MYH10: variants seen among roughly 807,000 people sequenced by gnomAD.
MYH10 encodes the protein myosin-10.
A neutral mutation model predicts 257.8 loss-of-function variants in MYH10; 55 were observed. The ratio of observed to expected loss-of-function variants is 0.21; its 90% CI spans 0.17 to 0.27. MYH10 has a LOEUF of 0.27. Among genes scored for constraint, MYH10 ranks in the 10% least tolerant of loss-of-function variants. The pLI is 1.00. For missense variants in MYH10, 1,631 were observed against 2,500.6 expected, an observed-to-expected ratio of 0.65 and a Z score of 7.42; for synonymous variants, 854 against 921.7, an observed-to-expected ratio of 0.93 and a Z score of 1.33.
chr17:8,618,025 C>A (rs1266581527), intron 2 of MYH10, among the ~76,000 whole-genome samples: 1 of 152,090 alleles, frequency 6.6e-6, no homozygotes, highest in Non-Finnish European at 1.5e-5. Context: ...TATATTCTTG[C>A]AAAACTTTTA....
chr17:8,550,676 G>A (rs1414258822), intron 9 of MYH10, among the ~76,000 whole-genome samples: 9 of 152,188 alleles, frequency 5.9e-5, no homozygotes, highest in Non-Finnish European at 1.2e-4. Flanking sequence ...CAGGATGACA[G>A]TGGCGGCTTT....
At chr17:8,551,144 T>A (rs1226953667) in intron 9 of MYH10, among the ~76,000 whole-genome samples, 8 of 128,888 alleles carry the variant, frequency 6.2e-5, no homozygotes, top group South Asian at 2.4e-4. Context: ...CAATAAAAAA[T>A]AAATAAATAA....
intron 2 of MYH10, among the ~76,000 whole-genome samples, chr17:8,616,175 C>T (rs1293400190): frequency 6.6e-6 from 1 of 151,838 alleles, no homozygotes; most frequent in South Asian, 2.1e-4. Context: ...CCCTGCTACT[C>T]GGGAGGCTGA....
Position 8,535,744 on chromosome 17 carries a change from A to AT in MYH10, c.1779+13dup. 2 of 1,608,404 alleles carry AT rather than the reference A, an allele frequency of 1.2e-6. No homozygotes were observed. Among genetic ancestry groups the AT allele is most frequent in the Non-Finnish European group, 1.7e-6 (2 of 1,176,560 alleles). ...AGCCATTTTAATCCAGTTATTCAAC[A>AT]TAAGAGCTCTTACCTTCCCTGCATA... On this transcript the variant is annotated intron_variant, in intron 15 of 42. Transcript: ENST00000360416. This position sits in a 1 kb window ranked among gnomAD's most constrained non-coding sequence, Gnocchi z 4.3.
At chr17:8,493,949 A>G in intron 31 of MYH10, 64 bp from the exon 32 acceptor site, 1 of 1,524,746 alleles carries the variant, frequency 6.6e-7, no homozygotes, top group Non-Finnish European at 8.8e-7. Context: ...ATACACCTGT[A>G]TTAAAGAATT....
At chr17:8,481,482 G>A (rs1913800462) in intron 37 of MYH10, 72 bp from the exon 38 acceptor site, 2 of 1,345,054 alleles carry the variant, frequency 1.5e-6, no homozygotes, top group Non-Finnish European at 2.1e-6. Context: ...ACAGTGCCTG[G>A]AGCTACAGCG....
In MYH10 at chr17:8,563,783, G is replaced by GT. The variant is rs35814888; in HGVS notation, c.756+5936dup. On this transcript the variant is annotated intron_variant, in intron 7 of 42. Transcript: ENST00000360416. ...TTCATTATAACCTGGTCGCCAAACT[G>GT]TAAGGAGGATGCCTAGAGCCCTTAC... is the stretch of plus-strand genomic sequence containing the variant. Among the ~76,000 whole-genome samples, 1,287 of 152,114 alleles carry GT rather than the reference G, an allele frequency of 8.5e-3. 19 individuals carry two copies. The highest frequency in any genetic ancestry group is 0.028 in the African/African-American group (1,180 of 41,488).
chr17:8,527,675 C>T (rs1597741521), intron 17 of MYH10, among the ~76,000 whole-genome samples: 2 of 152,222 alleles, frequency 1.3e-5, no homozygotes, highest in South Asian at 4.1e-4. Context: ...CTCTACAACA[C>T]CACACATTCA....
At chr17:8,499,065 G>A (rs1917121466) in intron 30 of MYH10, among the ~76,000 whole-genome samples, 1 of 152,170 alleles carries the variant, frequency 6.6e-6, no homozygotes, top group Non-Finnish European at 1.5e-5. Flanking sequence ...CAATCATGCT[G>A]TGTTCTTCTT....
In MYH10 at chr17:8,518,148, T is replaced by TGTGTGTGTG. The variant is rs1597719659; in HGVS notation, c.2504+482_2504+483insCACACACAC. ...GTGTGTGTGTGTGTGTGTGTGTGTG[T>TGTGTGTGTG]TTGAGATAGGGTCTCACTTTGTCAC... On this transcript the variant is annotated intron_variant, in intron 21 of 42. Coordinates refer to ENST00000360416, the MANE Select transcript of MYH10 (RefSeq NM_001256012.3). 1.0e-4 allele frequency among the ~76,000 whole-genome samples: 12 copies of TGTGTGTGTG among 119,934 alleles called. No individual in the cohort carries two copies. The South Asian group carries it at 1.0e-3, about 10-fold the overall frequency. 78.7% of individuals were successfully genotyped at this position (119,934 alleles called of 152,430 possible). A position where few individuals can be genotyped will look rare whatever the true frequency, so the allele number is the denominator to read the frequency against.
rs199754321 is a variant in MYH10 at position 8,481,308 on chromosome 17, C to A, written c.5264+14G>T. On this transcript the variant is annotated intron_variant, in intron 38 of 42. Coordinates refer to ENST00000360416, the MANE Select transcript of MYH10 (RefSeq NM_001256012.3). The stretch of plus-strand genomic sequence containing the variant: ...TGAGGGCGAAGAACCCACCCCCGGC[C>A]GTGGGAGACTCACTTGCCAGAGGCG... 4 of 1,612,918 alleles carry A rather than the reference C, an allele frequency of 2.5e-6. No homozygotes were observed. Among genetic ancestry groups the A allele is most frequent in the East Asian group, 4.5e-5 (2 of 44,874 alleles).
intron 7 of MYH10, among the ~76,000 whole-genome samples, chr17:8,554,895 G>A (rs1306546068): frequency 2.0e-5 from 3 of 152,372 alleles, no homozygotes; most frequent in Admixed American, 6.5e-5. Context: ...GGAGGTTGCA[G>A]TGAACTGAGA....
rs1223995748 is a variant in MYH10 at position 8,521,188 on chromosome 17, C to T, written c.2055G>A (p.Gly685=). ...TGGTGAGAGATTCTTTGTAGAGTTG[C>T]CCAACGGTACGAAACATGCCCTTCT... is the stretch of plus-strand genomic sequence containing the variant. ...KTKKGMFRTV[G]QLYKESLTKL... The change falls in exon 18 of 43, where the codon GGG becomes GGA. Residue 685 remains glycine (G), a synonymous_variant. Transcript: ENST00000360416. The T allele has an allele frequency of 1.9e-6, 3 of 1,614,194 alleles. No homozygotes were observed. Among genetic ancestry groups the T allele is most frequent in the Non-Finnish European group, 2.5e-6 (3 of 1,180,036 alleles).
chr17:8,516,531 C>T (rs906080218), intron 21 of MYH10, among the ~76,000 whole-genome samples: 1 of 152,178 alleles, frequency 6.6e-6, no homozygotes, highest in African/African-American at 2.4e-5. Flanking sequence ...GCTTTAAGTC[C>T]TTAAGATGAA....
intron 16 of MYH10, among the ~76,000 whole-genome samples, chr17:8,532,436 T>A (rs566078491): frequency 1.6e-4 from 24 of 152,330 alleles, no homozygotes; most frequent in African/African-American, 5.1e-4. Context: ...ATGAAATCAA[T>A]AACTTTCCCG....
At chr17:8,589,201 T>C in intron 3 of MYH10, 93 bp from the exon 4 acceptor site, 1 of 1,315,382 alleles carries the variant, frequency 7.6e-7, no homozygotes, top group Non-Finnish European at 1.1e-6. Context: ...TAATAGCCTA[T>C]AAAATATTAG....
intron 4 of MYH10, among the ~76,000 whole-genome samples, chr17:8,582,984 A>T (rs2083765967): frequency 6.6e-6 from 1 of 152,186 alleles, no homozygotes; most frequent in African/African-American, 2.4e-5. Context: ...TATTATCTAT[A>T]CCTATGCAAA....
At chr17:8,529,631 T>C (rs1467894490) in intron 17 of MYH10, among the ~76,000 whole-genome samples, 1 of 152,194 alleles carries the variant, frequency 6.6e-6, no homozygotes, top group Non-Finnish European at 1.5e-5. Flanking sequence ...TCCCACTCCA[T>C]ACTTGCAGTC....
intron 24 of MYH10, among the ~76,000 whole-genome samples, chr17:8,511,430 G>T (rs566263584): frequency 6.6e-6 from 1 of 152,238 alleles, no homozygotes; most frequent in African/African-American, 2.4e-5. Flanking sequence ...TGAGGCAAGG[G>T]AATCACTTGA....
Sources: allele counts gnomAD v4.1 joint callset (sites outside exome capture counted in the v4.1 genomes callset), GRCh38; gene constraint gnomAD v4.1.1; non-coding constraint Gnocchi (gnomAD v3.1); transcripts MANE v1.5; gene names NCBI Gene and HGNC (gene_info 2026-07-23, HGNC 2026-07-21).